The following SNX24 variants were observed in gnomAD, a reference collection of about 807,000 sequenced individuals.
SNX24 encodes the protein sorting nexin-24.
A neutral mutation model predicts 28.7 loss-of-function variants in SNX24; 22 were observed. The ratio of observed to expected loss-of-function variants is 0.77; its 90% CI spans 0.55 to 1.10. The LOEUF is 1.10. SNX24 is among the 50% of genes least tolerant of loss of function. The pLI, the probability that SNX24 is intolerant of heterozygous loss-of-function variation, is 0.00. For missense variants in SNX24, 221 were observed against 201.1 expected (o/e 1.10, Z -0.60); for synonymous variants, 69 against 71.5 (o/e 0.96, Z 0.18).
rs70988553 is a variant in SNX24 at position 123,014,333 on chromosome 5, A to ATTTTTTTTT, written n.383+12350_383+12358dup. Among the ~76,000 whole-genome samples the ATTTTTTTTT allele has an allele frequency of 1.0e-4, 8 of 77,304 alleles. 1 individual carries two copies. Among genetic ancestry groups the ATTTTTTTTT allele is most frequent in the African/African-American group, 2.2e-4 (4 of 17,800 alleles). 50.7% of individuals were successfully genotyped at this position (77,304 alleles called of 152,430 possible). ...AGGCACACGCCACTGTGCCCAGCTG[A>ATTTTTTTTT]TTTTTTTTTTTTTTTTTTTTTTTTT... On this transcript the variant is annotated intron_variant and non_coding_transcript_variant, in intron 5 of 5. Coordinates refer to the SNX24 transcript ENST00000502387.
intron 1 of SNX24, among the ~76,000 whole-genome samples, chr5:122,882,218 T>C (rs1756510878): frequency 6.6e-6 from 1 of 152,186 alleles, no homozygotes; most frequent in Admixed American, 6.6e-5. Context: ...CCCAAAATGC[T>C]GGTATTATAG....
At chr5:122,876,977 A>G (rs1756252360) in intron 1 of SNX24, among the ~76,000 whole-genome samples, 1 of 152,148 alleles carries the variant, frequency 6.6e-6, no homozygotes, top group South Asian at 2.1e-4. Context: ...GAGTGGAAAT[A>G]TTTTGGATAC....
At chr5:122,963,712 G>A (rs1293353730) in intron 3 of SNX24, among the ~76,000 whole-genome samples, 2 of 152,152 alleles carry the variant, frequency 1.3e-5, no homozygotes, top group African/African-American at 4.8e-5. Context: ...TTCACTTTTA[G>A]CTTGATGACT....
intron 1 of SNX24, among the ~76,000 whole-genome samples, chr5:122,901,855 G>T (rs1212066511): frequency 1.3e-5 from 2 of 152,144 alleles, no homozygotes; most frequent in Non-Finnish European, 2.9e-5. Flanking sequence ...TTCTTAATGG[G>T]TGTCTGTCCC....
At chr5:122,893,498 A>T (rs1330183405) in intron 1 of SNX24, among the ~76,000 whole-genome samples, 2 of 152,158 alleles carry the variant, frequency 1.3e-5, no homozygotes, top group Non-Finnish European at 2.9e-5. Context: ...TGCTTATTTT[A>T]TATGTATATA....
rs1193115670 is a variant in SNX24 at position 122,845,675 on chromosome 5, C to T, written c.42C>T (p.Asp14=). The change falls in exon 1 of 7, where the codon GAC becomes GAT. Residue 14 remains aspartate, a synonymous_variant. Coordinates refer to ENST00000261369, the MANE Select transcript of SNX24 (RefSeq NM_014035.4). ...YIPSFRYEES[D]LERGYTVFKI... ...CGTCCTTTCGCTATGAAGAGAGCGA[C>T]CTGGAGCGGGGATACACGGTAGGCG... is the stretch of plus-strand genomic sequence containing the variant. 2.1e-6 allele frequency: 3 copies of T among 1,424,418 alleles called. No homozygotes were observed. The highest frequency in any genetic ancestry group is 1.5e-5 in the African/African-American group (1 of 68,284). 88.2% of individuals were successfully genotyped at this position (1,424,418 alleles called of 1,614,324 possible).
chr5:122,916,494 A>C (rs1240582154), intron 1 of SNX24, among the ~76,000 whole-genome samples: 2 of 85,388 alleles, frequency 2.3e-5, no homozygotes, highest in African/African-American at 1.0e-4. Flanking sequence ...CGTGTTTATA[A>C]TATTTTGTGC....
chr5:122,852,013 C>G lies in SNX24; in HGVS notation c.60+6320C>G, dbSNP rs567741832. 2.6e-5 allele frequency among the ~76,000 whole-genome samples: 4 copies of G among 151,800 alleles called. No homozygotes were observed. In the South Asian group the frequency reaches 8.3e-4, roughly 31 times the overall value. On this transcript the variant is annotated intron_variant, in intron 1 of 6. Coordinates refer to ENST00000261369, the MANE Select transcript of SNX24 (RefSeq NM_014035.4). Reference sequence around the variant, plus strand: ...TTTTAAAATAAGCACAATGTAAACCCTGCCTTGGAATTAACAGTGATTTGT... The same window carrying G: ...TTTTAAAATAAGCACAATGTAAACCGTGCCTTGGAATTAACAGTGATTTGT...
chr5:123,017,105 G>T (rs1461832946), intron 5 of SNX24, among the ~76,000 whole-genome samples: 2 of 151,962 alleles, frequency 1.3e-5, no homozygotes, highest in Non-Finnish European at 2.9e-5. Context: ...TTTGTCCTCA[G>T]TCAATACATC....
chr5:122,930,668 T>A (rs1758911591), intron 1 of SNX24, among the ~76,000 whole-genome samples: 1 of 152,232 alleles, frequency 6.6e-6, no homozygotes, highest in Admixed American at 6.5e-5. Flanking sequence ...TTGTTCTAAT[T>A]TTTTTGTTCT....
chr5:122,861,084 A>C (rs1283658072), intron 1 of SNX24, among the ~76,000 whole-genome samples: 2 of 151,754 alleles, frequency 1.3e-5, no homozygotes, highest in African/African-American at 4.8e-5. Context: ...TGACGCCTAT[A>C]ATCCCAGCAC....
chr5:122,951,696 A>G (rs1759949681), intron 3 of SNX24, among the ~76,000 whole-genome samples: 1 of 152,226 alleles, frequency 6.6e-6, no homozygotes, highest in Non-Finnish European at 1.5e-5. Context: ...AAGATCATCA[A>G]AGGAAGAACA....
chr5:122,944,922 A>G lies in SNX24; in HGVS notation c.145-1133A>G, dbSNP rs111420846. ...GTTTTTTTCAAGTTTTTAATTAGCA[A>G]TTAAGCACATTGCACTTAAAGAGGC... On this transcript the variant is annotated intron_variant, in intron 2 of 6. Transcript: ENST00000261369. Among the ~76,000 whole-genome samples the G allele has an allele frequency of 2.0e-3, 304 of 152,304 alleles. 2 individuals are homozygous for G. The highest frequency in any genetic ancestry group is 3.4e-3 in the Middle Eastern group (1 of 294).
intron 3 of SNX24, among the ~76,000 whole-genome samples, chr5:122,959,286 C>CT (rs201505063): frequency 0.083 from 11,435 of 137,392 alleles, 713 homozygotes; most frequent in East Asian, 0.27. Flanking sequence ...TACGATTTTT[C>CT]TTTTTTTTTT....
At chr5:122,960,589 C>G (rs540844828) in intron 3 of SNX24, among the ~76,000 whole-genome samples, 1 of 152,158 alleles carries the variant, frequency 6.6e-6, no homozygotes, top group East Asian at 1.9e-4. Context: ...AGTTAATATT[C>G]TTTTAGGGAG....
chr5:123,004,108 C>T (rs1195081751), intron 6 of SNX24, among the ~76,000 whole-genome samples: 2 of 152,178 alleles, frequency 1.3e-5, no homozygotes, highest in Non-Finnish European at 2.9e-5. Context: ...AATTTCTTCA[C>T]AGATGTACTG....
chr5:122,992,174 A>T (rs1761882279), intron 3 of SNX24, among the ~76,000 whole-genome samples: 1 of 152,208 alleles, frequency 6.6e-6, no homozygotes, highest in Non-Finnish European at 1.5e-5. Flanking sequence ...TAGTCATTAA[A>T]ATTAGCTCAA....
chr5:122,867,608 C>T (rs1295947471), intron 1 of SNX24, among the ~76,000 whole-genome samples: 1 of 152,158 alleles, frequency 6.6e-6, no homozygotes, highest in Non-Finnish European at 1.5e-5. Flanking sequence ...TCTATTCCTG[C>T]CACCATGGCT....
chr5:122,986,463 A>G (rs1761608810), intron 3 of SNX24, among the ~76,000 whole-genome samples: 1 of 152,196 alleles, frequency 6.6e-6, no homozygotes, highest in Non-Finnish European at 1.5e-5. Flanking sequence ...GTGATCTGAA[A>G]CAAACCCAAA....
Sources: allele counts gnomAD v4.1 joint callset (sites outside exome capture counted in the v4.1 genomes callset), GRCh38; gene constraint gnomAD v4.1.1; transcripts MANE v1.5; gene names NCBI Gene and HGNC (gene_info 2026-07-23, HGNC 2026-07-21).